The following STIM2 variants were observed in gnomAD, a reference collection of about 807,000 sequenced individuals.
STIM2 encodes stromal interaction molecule 2.
Under a neutral mutation model 85.8 loss-of-function variants are expected in STIM2, and 31 were observed. The ratio of observed to expected loss-of-function variants is 0.36; its 90% confidence interval spans 0.27 to 0.49. The LOEUF (loss-of-function observed/expected upper bound fraction) is 0.49. STIM2 is among the 20% of genes least tolerant of loss of function. The pLI is 0.98. For synonymous variants in STIM2, 356 were observed against 331.1 expected, an observed-to-expected ratio of 1.08 and a Z score of -0.82; for missense variants, 841 against 927.6, an observed-to-expected ratio of 0.91 and a Z score of 1.21.
At chr4:27,020,084 C>A (rs1179971546) in intron 11 of STIM2, among the ~76,000 whole-genome samples, 2 of 152,304 alleles carry the variant, frequency 1.3e-5, no homozygotes, top group East Asian at 1.9e-4. Context: ...GAGGCTTTTA[C>A]AACTGATTAA....
chr4:26,932,335 T>A (rs1383102525), intron 2 of STIM2, among the ~76,000 whole-genome samples: 1 of 152,206 alleles, frequency 6.6e-6, no homozygotes. Context: ...GTCTCTTAAG[T>A]TTGGCATAAT....
intron 4 of STIM2, 25 bp from the exon 5 acceptor site, chr4:26,999,203 ATATG>A: frequency 9.3e-7 from 1 of 1,071,598 alleles, no homozygotes; most frequent in Non-Finnish European, 1.4e-6. Context: ...ATATATATAT[ATATG>A]TGTGTGTGTT....
chr4:27,009,062 TC>T, intron 10 of STIM2, 60 bp downstream of exon 10: 1 of 1,436,606 alleles, frequency 7.0e-7, no homozygotes, highest in South Asian at 1.2e-5. Flanking sequence ...TTCTCCTATG[TC>T]CTTTTAGGAA....
At chr4:26,992,783 A>C (rs1439359400) in intron 3 of STIM2, among the ~76,000 whole-genome samples, 1 of 152,116 alleles carries the variant, frequency 6.6e-6, no homozygotes, top group Non-Finnish European at 1.5e-5. Context: ...GGTCATGAGA[A>C]GAGAAGTGAA....
chr4:26,880,535 C>T (rs967045829), intron 1 of STIM2, among the ~76,000 whole-genome samples: 1 of 150,580 alleles, frequency 6.6e-6, no homozygotes, highest in Admixed American at 6.6e-5. Context: ...CACAGTGTCT[C>T]ATAGGTAACT....
intron 3 of STIM2, among the ~76,000 whole-genome samples, chr4:26,970,692 C>G (rs1483961061): frequency 6.6e-6 from 1 of 152,140 alleles, no homozygotes; most frequent in Non-Finnish European, 1.5e-5. Context: ...GTGAATAGTG[C>G]CGCAATAAAC....
chr4:27,001,983 C>T (rs1293587443), intron 5 of STIM2, among the ~76,000 whole-genome samples: 2 of 152,096 alleles, frequency 1.3e-5, no homozygotes, highest in South Asian at 2.1e-4. Context: ...CCAGCAGGGG[C>T]GTGGTGTGTC....
rs562089076 is a variant in STIM2, at chr4:26,947,974, A to G, written c.283-9638A>G. Reference sequence around the variant, plus strand: ...TCTTTATAATCAGGAAAATTTTTACATGCTGTAAACATTCCATAATAGGGA... The same window carrying G: ...TCTTTATAATCAGGAAAATTTTTACGTGCTGTAAACATTCCATAATAGGGA... On this transcript the variant is annotated intron_variant, in intron 2 of 11. Coordinates refer to ENST00000467087, the MANE Select transcript of STIM2 (RefSeq NM_020860.4). Among the ~76,000 whole-genome samples, 4 of 152,348 alleles carry G rather than the reference A, an allele frequency of 2.6e-5. No homozygotes were observed. In the South Asian group the frequency reaches 8.3e-4, roughly 32 times the overall value.
At position 26,919,638 on chromosome 4, in the gene STIM2, G is replaced by A. The variant is rs563282106; in HGVS notation, c.282+4G>A. 1.2e-6 allele frequency: 2 copies of A among 1,613,046 alleles called. No individual in the cohort carries two copies. The highest frequency in any genetic ancestry group is 3.3e-5 in the Admixed American group (2 of 59,922). On this transcript the variant is annotated splice_donor_region_variant and intron_variant, in intron 2 of 11. Transcript: ENST00000467087. Reference sequence around the variant, plus strand: ...TGAAGTAGAGGAAAGTGATGAAGTAGGTGGAAAAATGTTTTCCTTGCTATT... The same window carrying A: ...TGAAGTAGAGGAAAGTGATGAAGTAAGTGGAAAAATGTTTTCCTTGCTATT...
chr4:26,861,874 A>G (rs1179567005), intron 1 of STIM2, among the ~76,000 whole-genome samples: 1 of 152,154 alleles, frequency 6.6e-6, no homozygotes, highest in African/African-American at 2.4e-5. Context: ...TTTGAGAGCC[A>G]TAATACCTAG....
chr4:26,990,388 A>G (rs1727724685), intron 3 of STIM2, among the ~76,000 whole-genome samples: 1 of 152,208 alleles, frequency 6.6e-6, no homozygotes, highest in Admixed American at 6.5e-5. Context: ...GGTGCTAGGA[A>G]AACTGGATAT....
At chr4:27,021,001 T>C in intron 11 of STIM2, 3 of 1,536,956 alleles carry the variant, frequency 2.0e-6, no homozygotes, top group Non-Finnish European at 2.6e-6. Context: ...GAGTGAACAG[T>C]ATTCACCTTG....
At chr4:26,988,916 A>G (rs540834934) in intron 3 of STIM2, among the ~76,000 whole-genome samples, 77 of 152,332 alleles carry the variant, frequency 5.1e-4, no homozygotes, top group African/African-American at 1.5e-3. Context: ...TAATGGAATC[A>G]TAGAAACAGT....
At chr4:26,894,147 A>G (rs776656374) in intron 1 of STIM2, among the ~76,000 whole-genome samples, 6 of 152,218 alleles carry the variant, frequency 3.9e-5, no homozygotes, top group Non-Finnish European at 7.3e-5. Flanking sequence ...TCGGCCTCCC[A>G]AAGTGCTGGG....
chr4:26,962,780 A>G (rs1318184832), intron 3 of STIM2, among the ~76,000 whole-genome samples: 2 of 152,214 alleles, frequency 1.3e-5, no homozygotes, highest in Admixed American at 1.3e-4. Flanking sequence ...CTAATGCAGG[A>G]AATTGTACAT....
chr4:26,871,283 C>T (rs1722602026), intron 1 of STIM2, among the ~76,000 whole-genome samples: 1 of 151,984 alleles, frequency 6.6e-6, no homozygotes, highest in Non-Finnish European at 1.5e-5. Flanking sequence ...TTTAAAAAAC[C>T]CCCCTGTGCC....
Position 26,955,650 on chromosome 4 carries a change from A to G in STIM2, c.283-1962A>G, listed in dbSNP as rs1468636421. On this transcript the variant is annotated intron_variant, in intron 2 of 11. Coordinates refer to ENST00000467087, the MANE Select transcript of STIM2 (RefSeq NM_020860.4). ...AGGCAGCATTTAGTAAAAAGGAGTA[A>G]GGCACTATTTAGAGCAGACAACAGA... Among the ~76,000 whole-genome samples, 2 of 148,340 alleles carry G rather than the reference A, an allele frequency of 1.3e-5. 1 individual carries two copies. The highest frequency in any genetic ancestry group is 5.1e-5 in the African/African-American group (2 of 38,936).
rs763385147 is a variant in STIM2 at position 27,008,847 on chromosome 4, T to A, written c.1334T>A (p.Ile445Lys). 1 of 1,614,186 alleles carries A rather than the reference T, an allele frequency of 6.2e-7. No individual in the cohort carries two copies. The highest frequency in any genetic ancestry group is 8.5e-7 in the Non-Finnish European group (1 of 1,180,030). ...ATTGAGAAGATCTGTGGCTTTCAGA[T>A]AGCCCATAACTCAGGACTCCCCAGC... Residue 445 changes from isoleucine to lysine, a missense_variant, in exon 10 of 12, where the codon ATA (isoleucine) becomes AAA (lysine). Physicochemically the swap from Ile to Lys is moderately radical, Grantham distance 102 (BLOSUM62 -3). Coordinates refer to ENST00000467087, the MANE Select transcript of STIM2 (RefSeq NM_020860.4).
intron 1 of STIM2, among the ~76,000 whole-genome samples, chr4:26,877,863 A>G (rs1199369201): frequency 6.6e-6 from 1 of 152,152 alleles, no homozygotes; most frequent in Non-Finnish European, 1.5e-5. Flanking sequence ...TGCTTAGGCC[A>G]TGAGAGCTCT....
Sources: gnomAD v4.1 joint callset for allele counts (sites outside exome capture counted in the v4.1 genomes callset) on GRCh38, gnomAD v4.1.1 for gene constraint, MANE v1.5 for transcripts, NCBI Gene and HGNC (gene_info 2026-07-23, HGNC 2026-07-21) for gene names.